PTPRM: variants seen among roughly 807,000 people sequenced by gnomAD.
PTPRM encodes the protein receptor-type tyrosine-protein phosphatase mu.
A neutral mutation model predicts 186.7 loss-of-function variants in PTPRM; 47 were observed. The observed-to-expected ratio is 0.25, with a 90% CI of 0.20 to 0.32. The LOEUF (loss-of-function observed/expected upper bound fraction) is 0.32. PTPRM is among the 10% of genes least tolerant of loss of function. The pLI is 1.00. For synonymous variants in PTPRM, 668 were observed against 674.9 expected, an observed-to-expected ratio of 0.99 and a Z score of 0.16; for missense variants, 1,494 against 1,865.0, an observed-to-expected ratio of 0.80 and a Z score of 3.66.
intron 2 of PTPRM, among the ~76,000 whole-genome samples, chr18:7,834,078 T>A (rs1236226232): frequency 6.6e-6 from 1 of 152,140 alleles, no homozygotes; most frequent in Non-Finnish European, 1.5e-5. Flanking sequence ...TGTTATATAT[T>A]GCTTTTACTA....
At chr18:8,324,674 A>G (rs2095364930) in intron 22 of PTPRM, among the ~76,000 whole-genome samples, 1 of 152,246 alleles carries the variant, frequency 6.6e-6, no homozygotes, top group African/African-American at 2.4e-5. Flanking sequence ...CCCAGCACTC[A>G]CACATACAGA....
intron 7 of PTPRM, among the ~76,000 whole-genome samples, chr18:7,986,610 G>C (rs559782037): frequency 1.3e-5 from 2 of 152,336 alleles, no homozygotes; most frequent in African/African-American, 4.8e-5. Flanking sequence ...CCTGGTGCTA[G>C]AGTAACTCAA....
At chr18:8,070,515 A>T (rs552233080) in intron 8 of PTPRM, among the ~76,000 whole-genome samples, 11 of 152,340 alleles carry the variant, frequency 7.2e-5, no homozygotes, top group African/African-American at 2.6e-4. Flanking sequence ...TCTCCACAGG[A>T]ACAATGTTGA....
Position 8,005,342 on chromosome 18 carries a change from TA to T in PTPRM, c.1132+49934del, listed in dbSNP as rs563903882. On this transcript the variant is annotated intron_variant, in intron 7 of 32. Transcript: ENST00000580170. ...ATATTACCTCTTGTCTTTATCCTAT[TA>T]AAAAACAAACAGGCTCTCTTCAAAG... Among the ~76,000 whole-genome samples, 214 of 152,348 alleles carry T rather than the reference TA, an allele frequency of 1.4e-3. 1 individual carries two copies. The highest frequency in any genetic ancestry group is 3.7e-3 in the South Asian group (18 of 4,830).
intron 14 of PTPRM, among the ~76,000 whole-genome samples, chr18:8,236,026 T>G (rs2094342213): frequency 6.6e-6 from 1 of 152,194 alleles, no homozygotes; most frequent in Middle Eastern, 3.2e-3. Context: ...CCTGTGAACT[T>G]GAATATAATG....
chr18:8,357,429 C>A (rs998304224), intron 23 of PTPRM, among the ~76,000 whole-genome samples: 1 of 152,144 alleles, frequency 6.6e-6, no homozygotes, highest in Non-Finnish European at 1.5e-5. Context: ...AGCTATCCCC[C>A]CAATTTGTCA....
chr18:7,718,740 T>C (rs746264404), intron 1 of PTPRM, among the ~76,000 whole-genome samples: 28 of 151,936 alleles, frequency 1.8e-4, no homozygotes, highest in Admixed American at 3.3e-4. Flanking sequence ...CATCAAAAAC[T>C]GGGCAAAGGA....
intron 9 of PTPRM, among the ~76,000 whole-genome samples, chr18:8,077,469 A>G (rs1320068942): frequency 6.6e-6 from 1 of 152,192 alleles, no homozygotes; most frequent in African/African-American, 2.4e-5. Context: ...ACAAAAATTA[A>G]TTCAAAGCTA....
chr18:7,679,866 A>G (rs1217966408), intron 1 of PTPRM, among the ~76,000 whole-genome samples: 1 of 151,888 alleles, frequency 6.6e-6, no homozygotes, highest in African/African-American at 2.4e-5. Flanking sequence ...TTTTGAAAAA[A>G]AAAATATTTT....
intron 23 of PTPRM, among the ~76,000 whole-genome samples, chr18:8,367,979 T>A (rs1207592748): frequency 1.3e-5 from 2 of 152,188 alleles, no homozygotes; most frequent in Non-Finnish European, 2.9e-5. Context: ...ATAAACCTGG[T>A]ATAACATACG....
intron 2 of PTPRM, chr18:7,815,044 C>A (rs574100397): frequency 6.6e-6 from 1 of 152,208 alleles, no homozygotes; most frequent in Admixed American, 6.5e-5. Context: ...TTTCAGGAAA[C>A]CAACCATCAG....
chr18:7,709,729 G>A (rs373576313), intron 1 of PTPRM, among the ~76,000 whole-genome samples: 8 of 152,072 alleles, frequency 5.3e-5, no homozygotes, highest in African/African-American at 1.7e-4. Flanking sequence ...TATGACAACC[G>A]ATATCACAGA....
At chr18:8,170,843 A>G (rs575864907) in intron 14 of PTPRM, among the ~76,000 whole-genome samples, 1 of 152,306 alleles carries the variant, frequency 6.6e-6, no homozygotes, top group Admixed American at 6.5e-5. Context: ...TGAAGTGACA[A>G]CCACATTTGA....
chr18:8,126,027 A>ATATATATATATTTTTT (rs57751538), intron 13 of PTPRM, among the ~76,000 whole-genome samples: 2 of 69,538 alleles, frequency 2.9e-5, no homozygotes, highest in African/African-American at 4.7e-5. Context: ...ATATATATAT[A>ATATATATATATTTTTT]TTTTAAATCA....
At chr18:7,831,120 A>G (rs986169616) in intron 2 of PTPRM, among the ~76,000 whole-genome samples, 1 of 152,198 alleles carries the variant, frequency 6.6e-6, no homozygotes. Flanking sequence ...CACAGTCTTT[A>G]CTGCACTTAT....
intron 7 of PTPRM, among the ~76,000 whole-genome samples, chr18:8,038,431 G>A (rs953386756): frequency 4.4e-5 from 6 of 137,162 alleles, no homozygotes; most frequent in African/African-American, 1.7e-4. Context: ...TCACTCTGTC[G>A]CCCAAACTGG....
chr18:8,187,144 T>A (rs551373728), intron 14 of PTPRM, among the ~76,000 whole-genome samples: 1 of 152,298 alleles, frequency 6.6e-6, no homozygotes, highest in African/African-American at 2.4e-5. Context: ...TTCACCATGT[T>A]GGCCAGGCAG....
At chr18:8,246,759 G>A (rs1226369740) in intron 15 of PTPRM, among the ~76,000 whole-genome samples, 2 of 152,140 alleles carry the variant, frequency 1.3e-5, no homozygotes, top group South Asian at 2.1e-4. Flanking sequence ...GGCAGCCTGA[G>A]TTCTGGTCTT....
rs78641497 is a variant in PTPRM at position 8,023,634 on chromosome 18, G to A, written c.1133-46052G>A. ...CTTCCTGAGAATTAGACTAAGTAAT[G>A]TGAGAGGAGTCTTAAAATGTTAAAT... is the stretch of plus-strand genomic sequence containing the variant. On this transcript the variant is annotated intron_variant, in intron 7 of 32. Transcript: ENST00000580170. Among the ~76,000 whole-genome samples the A allele has an allele frequency of 7.7e-4, 117 of 152,248 alleles. 1 individual carries two copies. The East Asian group carries it at 0.022, about 29-fold the overall frequency.
Sources: gnomAD v4.1 joint callset for allele counts (sites outside exome capture counted in the v4.1 genomes callset) on GRCh38, gnomAD v4.1.1 for gene constraint, MANE v1.5 for transcripts, NCBI Gene and HGNC (gene_info 2026-07-23, HGNC 2026-07-21) for gene names.